Variants in NDRG1 observed in about 807,000 individuals in gnomAD.
NDRG1 encodes the protein protein NDRG1.
In NDRG1, 32 loss-of-function variants were observed where a neutral mutation model predicts 56.9. That is an observed-to-expected ratio of 0.56 (90% CI 0.42 to 0.76). The LOEUF (loss-of-function observed/expected upper bound fraction) is 0.76. NDRG1 is among the 30% of genes least tolerant of loss of function. The pLI is 0.00. For missense variants in NDRG1, 507 were observed against 545.7 expected, an observed-to-expected ratio of 0.93 and a Z score of 0.71; for synonymous variants, 211 against 204.1, an observed-to-expected ratio of 1.03 and a Z score of -0.29.
At position 133,246,540 on chromosome 8, in the gene NDRG1, C is replaced by T. The variant is rs1855689183; in HGVS notation, c.855+76G>A. ...ATCGTGTGCCTTGCCTTTTTCAAGC[C>T]TAACTCAATGTTGCAGAAAACGTCT... On this transcript the variant is annotated intron_variant, in intron 13 of 15. Coordinates refer to ENST00000323851, the MANE Select transcript of NDRG1 (RefSeq NM_006096.4). The T allele has an allele frequency of 2.3e-5, 34 of 1,472,560 alleles. No individual in the cohort carries two copies. In the South Asian group the frequency reaches 3.5e-4, roughly 15 times the overall value. 91.2% of individuals were successfully genotyped at this position (1,472,560 alleles called of 1,614,324 possible).
At chr8:133,246,522 G>T in intron 13 of NDRG1, 94 bp downstream of exon 13, 1 of 1,235,528 alleles carries the variant, frequency 8.1e-7, no homozygotes. Flanking sequence ...CTGATCGTGT[G>T]CCTTGCCTTT....
At chr8:133,270,759 G>A (rs984478642) in intron 3 of NDRG1, among the ~76,000 whole-genome samples, 2 of 152,184 alleles carry the variant, frequency 1.3e-5, no homozygotes, top group Non-Finnish European at 2.9e-5. Context: ...AGGTTGGTGA[G>A]AATAGCAAAC....
chr8:133,285,922 C>T (rs1270979238), intron 1 of NDRG1, among the ~76,000 whole-genome samples: 1 of 152,218 alleles, frequency 6.6e-6, no homozygotes, highest in East Asian at 1.9e-4. Flanking sequence ...GGACACCTCG[C>T]CTACATGGCC....
At chr8:133,275,867 A>G (rs1163987932) in intron 3 of NDRG1, among the ~76,000 whole-genome samples, 7 of 152,158 alleles carry the variant, frequency 4.6e-5, no homozygotes, top group African/African-American at 7.2e-5. Context: ...CGTGGGGCAC[A>G]TTTGGCATGC....
intron 14 of NDRG1, among the ~76,000 whole-genome samples, chr8:133,243,823 T>G (rs1340933260): frequency 6.6e-6 from 1 of 152,190 alleles, no homozygotes; most frequent in African/African-American, 2.4e-5. Context: ...TTGGTGAGAT[T>G]CTTTATAGGA....
At chr8:133,258,615 C>T (rs567003842) in intron 6 of NDRG1, among the ~76,000 whole-genome samples, 189 bp from the exon 7 acceptor site, 72 of 152,318 alleles carry the variant, frequency 4.7e-4, no homozygotes, top group African/African-American at 1.5e-3. Flanking sequence ...TGGAGAGCCG[C>T]GCCCCTTCTC....
At chr8:133,295,885 G>A (rs942553268) in intron 1 of NDRG1, among the ~76,000 whole-genome samples, 1 of 152,140 alleles carries the variant, frequency 6.6e-6, no homozygotes, top group African/African-American at 2.4e-5. Flanking sequence ...CCGTGAGGAA[G>A]GGGTGTTCTT....
intron 15 of NDRG1, chr8:133,240,942 C>A (rs1038253450): frequency 2.0e-5 from 3 of 152,208 alleles, no homozygotes; most frequent in Non-Finnish European, 4.4e-5. Flanking sequence ...AGGAGCCCCA[C>A]TAGCAGATAG....
chr8:133,261,427 G>T (rs751123307), intron 5 of NDRG1, among the ~76,000 whole-genome samples: 1 of 152,160 alleles, frequency 6.6e-6, no homozygotes, highest in Non-Finnish European at 1.5e-5. Context: ...CACCATGCCC[G>T]GCCTCAGCTG....
At chr8:133,260,471 C>T (rs571945984) in intron 5 of NDRG1, among the ~76,000 whole-genome samples, 2 of 152,154 alleles carry the variant, frequency 1.3e-5, no homozygotes, top group South Asian at 2.1e-4. Context: ...GGGGAAAATG[C>T]GCTGTAATAC....
At chr8:133,285,163 CTATCTAT>C (rs1472087087) in intron 1 of NDRG1, among the ~76,000 whole-genome samples, 1 of 152,092 alleles carries the variant, frequency 6.6e-6, no homozygotes, top group African/African-American at 2.4e-5. Context: ...GCAGGTGGTG[CTATCTAT>C]TAAGCATGCC....
intron 5 of NDRG1, among the ~76,000 whole-genome samples, chr8:133,260,525 T>C (rs2078511510): frequency 2.0e-5 from 3 of 152,196 alleles, no homozygotes; most frequent in Non-Finnish European, 4.4e-5. Flanking sequence ...GGCTCAGGCC[T>C]CAGAATATTT....
chr8:133,263,777 G>C (rs1045428755), intron 4 of NDRG1, among the ~76,000 whole-genome samples: 4 of 151,980 alleles, frequency 2.6e-5, no homozygotes, highest in African/African-American at 9.7e-5. Flanking sequence ...TTAGTCAGGC[G>C]TGGTGGTGGG....
intron 2 of NDRG1, among the ~76,000 whole-genome samples, chr8:133,282,119 A>G (rs973762424): frequency 6.6e-6 from 1 of 152,256 alleles, no homozygotes; most frequent in African/African-American, 2.4e-5. Context: ...CTGAATGGGC[A>G]AGCTCTTAGA....
intron 6 of NDRG1, among the ~76,000 whole-genome samples, chr8:133,258,715 T>C (rs1856513478): frequency 6.6e-6 from 1 of 152,250 alleles, no homozygotes; most frequent in Non-Finnish European, 1.5e-5. Context: ...TTCCCACTCT[T>C]AAGCTTTATT....
chr8:133,287,189 A>T (rs1056830834), intron 1 of NDRG1, among the ~76,000 whole-genome samples: 9 of 152,236 alleles, frequency 5.9e-5, no homozygotes, highest in Non-Finnish European at 1.3e-4. Context: ...TAAAAATTTT[A>T]AAATTTAAAA....
intron 12 of NDRG1, among the ~76,000 whole-genome samples, chr8:133,247,047 T>C (rs977468769): frequency 1.3e-5 from 2 of 152,256 alleles, no homozygotes; most frequent in African/African-American, 4.8e-5. Context: ...TTCCCAGATC[T>C]AACAACTATT....
At chr8:133,262,848 CT>C (rs1039280211) in intron 4 of NDRG1, among the ~76,000 whole-genome samples, 1 of 152,214 alleles carries the variant, frequency 6.6e-6, no homozygotes, top group African/African-American at 2.4e-5. Context: ...AAGTTTCTCT[CT>C]TCTCTCATCT....
chr8:133,243,539 G>A (rs945464244), intron 14 of NDRG1, among the ~76,000 whole-genome samples: 5 of 152,144 alleles, frequency 3.3e-5, no homozygotes, highest in African/African-American at 4.8e-5. Flanking sequence ...GCATGAGGAC[G>A]ACAGTGTCAC....
Sources: allele counts gnomAD v4.1 joint callset (sites outside exome capture counted in the v4.1 genomes callset), GRCh38; gene constraint gnomAD v4.1.1; transcripts MANE v1.5; gene names NCBI Gene and HGNC (gene_info 2026-07-23, HGNC 2026-07-21).